ST18: variants seen among roughly 807,000 people sequenced by gnomAD.
The protein encoded by ST18 is suppression of tumorigenicity 18 protein.
A neutral mutation model predicts 110.0 loss-of-function variants in ST18; 50 were observed. The ratio of observed to expected loss-of-function variants is 0.45; its 90% confidence interval spans 0.36 to 0.58. The LOEUF (loss-of-function observed/expected upper bound fraction) is 0.58, where lower values mean the gene tolerates loss of function less well. ST18 is among the 20% of genes least tolerant of loss of function. The pLI is 0.00. For synonymous variants in ST18, 461 were observed against 452.4 expected (o/e 1.02, Z -0.24); for missense variants, 1,306 against 1,280.1 (o/e 1.02, Z -0.31).
At chr8:52,117,424 T>A (rs1159160707) in intron 24 of ST18, among the ~76,000 whole-genome samples, 1 of 152,214 alleles carries the variant, frequency 6.6e-6, no homozygotes, top group East Asian at 1.9e-4. Context: ...CATTTATGAC[T>A]TTTTTGTTTA....
chr8:52,353,296 A>G (rs1271172842), intron 2 of ST18, among the ~76,000 whole-genome samples: 1 of 152,260 alleles, frequency 6.6e-6, no homozygotes, highest in African/African-American at 2.4e-5. Flanking sequence ...AAATAAGCAC[A>G]ATCTTTCTTA....
At chr8:52,349,098 C>T (rs1819095073) in intron 2 of ST18, among the ~76,000 whole-genome samples, 1 of 152,146 alleles carries the variant, frequency 6.6e-6, no homozygotes, top group African/African-American at 2.4e-5. Flanking sequence ...TTTGCCTTTC[C>T]ATGCCTTGCT....
chr8:52,363,272 T>C (rs563732346), intron 2 of ST18, among the ~76,000 whole-genome samples: 53 of 152,368 alleles, frequency 3.5e-4, no homozygotes, highest in African/African-American at 1.2e-3. Flanking sequence ...CTGTACATTC[T>C]GCCATTTTTT....
chr8:52,132,038 G>A lies in ST18; in HGVS notation c.2586C>T (p.Asn862=). 2 of 1,614,204 alleles carry A rather than the reference G, an allele frequency of 1.2e-6. No homozygotes were observed. The highest frequency in any genetic ancestry group is 1.7e-6 in the Non-Finnish European group (2 of 1,180,032). ...AGGGACAATGTGGTAGCTCTTGTTT[G>A]TTCAGTTTCCAGGAGAGGGAGGCTC... ...LNGASLSWKL[N]KQELPHCPLP... is the part of the protein sequence containing the mutation. The change falls in exon 22 of 26, where the codon AAC becomes AAT. Residue 862 remains asparagine, a synonymous_variant. Coordinates refer to ENST00000689386, the MANE Select transcript of ST18 (RefSeq NM_001352837.2).
At chr8:52,235,231 G>A (rs1029456257) in intron 2 of ST18, among the ~76,000 whole-genome samples, 4 of 152,038 alleles carry the variant, frequency 2.6e-5, no homozygotes, top group Non-Finnish European at 2.9e-5. Context: ...TTCTTGCCTC[G>A]TGGTAAGCTA....
chr8:52,205,476 A>T (rs970495986), intron 8 of ST18, among the ~76,000 whole-genome samples: 1 of 152,196 alleles, frequency 6.6e-6, no homozygotes, highest in African/African-American at 2.4e-5. Flanking sequence ...TTTAACATCT[A>T]CTTAAAATCA....
chr8:52,373,742 A>G (rs1831108800), intron 2 of ST18, among the ~76,000 whole-genome samples: 1 of 152,124 alleles, frequency 6.6e-6, no homozygotes, highest in African/African-American at 2.4e-5. Context: ...CATTTCTTAT[A>G]TATGCCCCCA....
At chr8:52,279,981 T>C (rs1160190607) in intron 2 of ST18, among the ~76,000 whole-genome samples, 2 of 152,052 alleles carry the variant, frequency 1.3e-5, no homozygotes, top group Non-Finnish European at 2.9e-5. Context: ...CTAGAAAGAA[T>C]AAGACTCACA....
chr8:52,346,415 C>T (rs1461284663), intron 2 of ST18, among the ~76,000 whole-genome samples: 1 of 151,946 alleles, frequency 6.6e-6, no homozygotes, highest in Non-Finnish European at 1.5e-5. Flanking sequence ...CCTTGAAAAA[C>T]TGAGAAAGTA....
chr8:52,199,749 A>G (rs1018912539), intron 8 of ST18, among the ~76,000 whole-genome samples: 3 of 152,222 alleles, frequency 2.0e-5, no homozygotes, highest in Non-Finnish European at 4.4e-5. Context: ...AGTCCTATAT[A>G]TCCTTGCTCC....
chr8:52,270,335 C>T (rs550742008), intron 2 of ST18, among the ~76,000 whole-genome samples: 162 of 152,262 alleles, frequency 1.1e-3, no homozygotes, highest in African/African-American at 3.8e-3. Context: ...ATCATTCCCC[C>T]GCTGTGCTCC....
chr8:52,121,633 G>A (rs2044848908), intron 23 of ST18, among the ~76,000 whole-genome samples: 1 of 152,154 alleles, frequency 6.6e-6, no homozygotes, highest in Non-Finnish European at 1.5e-5. Flanking sequence ...TACAAAGTAA[G>A]TGGTACAGCG....
At chr8:52,358,926 C>T (rs1490640371) in intron 2 of ST18, among the ~76,000 whole-genome samples, 1 of 151,814 alleles carries the variant, frequency 6.6e-6, no homozygotes, top group Admixed American at 6.6e-5. Flanking sequence ...AAAACAAAAA[C>T]CTATAGATCA....
intron 8 of ST18, among the ~76,000 whole-genome samples, chr8:52,195,196 T>C (rs2075818551): frequency 6.6e-6 from 1 of 152,116 alleles, no homozygotes; most frequent in Non-Finnish European, 1.5e-5. Flanking sequence ...AGAAGTTGAA[T>C]ATAATAAGAT....
chr8:52,358,073 T>A (rs1824002905), intron 2 of ST18, among the ~76,000 whole-genome samples: 1 of 151,854 alleles, frequency 6.6e-6, no homozygotes, highest in Non-Finnish European at 1.5e-5. Flanking sequence ...TACATGTGTA[T>A]GAAAATTAAT....
intron 12 of ST18, 21 bp from the exon 13 acceptor site, chr8:52,164,111 A>G: frequency 1.3e-6 from 2 of 1,594,200 alleles, no homozygotes; most frequent in East Asian, 2.2e-5. Flanking sequence ...AAAGAAACAC[A>G]GGAGGATTTT....
chr8:52,207,137 C>T (rs1343606595), intron 8 of ST18, among the ~76,000 whole-genome samples: 1 of 152,056 alleles, frequency 6.6e-6, no homozygotes, highest in Non-Finnish European at 1.5e-5. Flanking sequence ...ACAAGAAAGC[C>T]ATCTAGATCT....
intron 2 of ST18, among the ~76,000 whole-genome samples, chr8:52,400,161 T>G (rs1201093895): frequency 1.3e-5 from 2 of 152,152 alleles, no homozygotes; most frequent in Non-Finnish European, 2.9e-5. Context: ...CATTACATAA[T>G]GACCTTCTTT....
intron 2 of ST18, among the ~76,000 whole-genome samples, chr8:52,383,683 G>C (rs765159585): frequency 1.3e-5 from 2 of 152,044 alleles, no homozygotes; most frequent in Admixed American, 6.6e-5. Context: ...TCCTGACCTC[G>C]TGATCCACCC....
Sources: gnomAD v4.1 joint callset for allele counts (sites outside exome capture counted in the v4.1 genomes callset) on GRCh38, gnomAD v4.1.1 for gene constraint, MANE v1.5 for transcripts, NCBI Gene and HGNC (gene_info 2026-07-23, HGNC 2026-07-21) for gene names.